The following USP29 variants were observed in gnomAD, a reference collection of about 807,000 sequenced individuals.
USP29 encodes ubiquitin specific peptidase 29, also known as ubiquitin carboxyl-terminal hydrolase 29.
For synonymous variants in USP29, 386 were observed against 387.4 expected (o/e 1.00, Z 0.04); for missense variants, 1,102 against 1,069.0 (o/e 1.03, Z -0.43).
intron 1 of USP29, 27 bp downstream of exon 1, chr19:57,120,256 A>G (rs1158957210): frequency 8.8e-6 from 1 of 113,082 alleles, no homozygotes; most frequent in Admixed American, 1.0e-4. Flanking sequence ...ACCCATCTCT[A>G]CAAAAAATTT....
intron 3 of USP29, among the ~76,000 whole-genome samples, chr19:57,127,966 G>A (rs143443591): frequency 7.2e-5 from 11 of 152,206 alleles, no homozygotes; most frequent in South Asian, 2.1e-4. Context: ...TGGGAAAAGC[G>A]TAGTAACCGG....
At chr19:57,122,785 A>C (rs1006964948) in intron 2 of USP29, among the ~76,000 whole-genome samples, 4 of 152,126 alleles carry the variant, frequency 2.6e-5, no homozygotes, top group African/African-American at 7.2e-5. Context: ...AAAATGATGA[A>C]GCCTACCTGT....
chr19:57,128,738 GC>G lies in USP29; in HGVS notation c.64del (p.Leu22Ter). ...IWSQKTGMTK[L>X]KEALIETVQR... ...GGAGCCAGAAGACTGGGATGACTAAGCTGAAAGAAGCTCTCATTGAAACAGT... is the reference window on the plus strand; with the variant it reads ...GGAGCCAGAAGACTGGGATGACTAAGTGAAAGAAGCTCTCATTGAAACAGT... On this transcript the variant is annotated frameshift_variant, in exon 4 of 4. Transcript: ENST00000254181. LOFTEE classifies it low-confidence loss of function (END_TRUNC). 6.2e-7 allele frequency: 1 copy of G among 1,611,934 alleles called. No homozygotes were observed. The highest frequency in any genetic ancestry group is 8.5e-7 in the Non-Finnish European group (1 of 1,179,470).
chr19:57,125,703 T>C (rs2086820339), intron 3 of USP29, among the ~76,000 whole-genome samples: 1 of 151,762 alleles, frequency 6.6e-6, no homozygotes, highest in Non-Finnish European at 1.5e-5. Flanking sequence ...TCAATGGGTC[T>C]TGACTCTTTA....
At chr19:57,126,983 T>C (rs1010371052) in intron 3 of USP29, among the ~76,000 whole-genome samples, 3 of 152,234 alleles carry the variant, frequency 2.0e-5, no homozygotes, top group Non-Finnish European at 4.4e-5. Context: ...TGTTGCTTTC[T>C]GTTAGTTTTT....
chr19:57,125,933 C>T lies in USP29; in HGVS notation c.-17+1794C>T, dbSNP rs561060751. 2.3e-3 allele frequency among the ~76,000 whole-genome samples: 348 copies of T among 152,190 alleles called. 2 individuals carry two copies. The highest frequency in any genetic ancestry group is 8.1e-3 in the African/African-American group (336 of 41,526). On this transcript the variant is annotated intron_variant, in intron 3 of 3. Transcript: ENST00000254181. ...TCCTTTCCATATTTAGTGCTTCCTC[C>T]AGGAGCTCTTGTAAGGTAGGCCTGG... is the stretch of plus-strand genomic sequence containing the variant.
At position 57,131,031 on chromosome 19, in the gene USP29, G is replaced by A; in HGVS notation, c.2356G>A (p.Ala786Thr). ...LQKADLNHLG[A>T]LGSDNPGNKN... ...AAAGGCTGACCTGAATCACCTTGGG[G>A]CACTGGGTTCTGACAACCCAGGAAA... Residue 786 changes from alanine (A) to threonine (T), a missense_variant, in exon 4 of 4, where the codon GCA becomes ACA. By Grantham distance (58) the Ala-to-Thr change is moderately conservative. Transcript: ENST00000254181. 1 of 1,614,128 alleles carries A rather than the reference G, an allele frequency of 6.2e-7. No homozygotes were observed. The highest frequency in any genetic ancestry group is 8.5e-7 in the Non-Finnish European group (1 of 1,180,022).
chr19:57,124,496 TTTTTTG>T, intron 3 of USP29, among the ~76,000 whole-genome samples: 1 of 151,172 alleles, frequency 6.6e-6, no homozygotes, highest in African/African-American at 2.4e-5. Flanking sequence ...TTTTTGTTTT[TTTTTTG>T]TTTTTGTTTT....
In USP29 at chr19:57,129,440, A is replaced by G. The variant is rs563032589; in HGVS notation, c.765A>G (p.Thr255=). 6.2e-7 allele frequency: 1 copy of G among 1,614,222 alleles called. No individual in the cohort carries two copies. Among genetic ancestry groups the G allele is most frequent in the African/African-American group, 1.3e-5 (1 of 75,058 alleles). Residue 255 remains threonine (T), a synonymous_variant, in exon 4 of 4, where the codon ACA becomes ACG. Coordinates refer to ENST00000254181, the MANE Select transcript of USP29 (RefSeq NM_020903.3). ...TQTLNAKNGL[T]SPLEPEHSQG... ...CTCTCAATGCCAAAAATGGTTTGAC[A>G]TCTCCATTGGAACCAGAGCACAGCC...
rs373320793 is a variant in USP29 at position 57,130,827 on chromosome 19, T to C, written c.2152T>C (p.Cys718Arg). 191 of 1,614,042 alleles carry C rather than the reference T, an allele frequency of 1.2e-4. No homozygotes were observed. The highest frequency in any genetic ancestry group is 1.5e-4 in the Non-Finnish European group (176 of 1,180,050). ...TGAGTCCACCAATGGCTTTTATGACTGTAAAGAAAACAGGATTCCAGAAGG... is the reference window on the plus strand; with the variant it reads ...TGAGTCCACCAATGGCTTTTATGACCGTAAAGAAAACAGGATTCCAGAAGG... The part of the protein sequence containing the change: ...VTESTNGFYD[C>R]KENRIPEGSQ... The change falls in exon 4 of 4, where the codon TGT becomes CGT. Residue 718 changes from cysteine to arginine, a missense_variant. Coordinates refer to ENST00000254181, the MANE Select transcript of USP29 (RefSeq NM_020903.3).
At chr19:57,119,939 G>A (rs368410909), upstream of USP29, 1 of 152,414 alleles carries the variant, frequency 6.6e-6, no homozygotes, top group South Asian at 2.1e-4. Flanking sequence ...CGTAGGTCGG[G>A]AGGCCTGCGC....
chr19:57,121,758 C>T (rs35825687), intron 1 of USP29, among the ~76,000 whole-genome samples: 8,171 of 147,896 alleles, frequency 0.055, 691 homozygotes, highest in East Asian at 0.42. Flanking sequence ...ACAAAAAGCA[C>T]GGTTACTACA....
chr19:57,119,569 C>T (rs545040459), upstream of USP29, among the ~76,000 whole-genome samples: 8 of 152,156 alleles, frequency 5.3e-5, no homozygotes, highest in African/African-American at 1.9e-4. Flanking sequence ...ATTACAGGCG[C>T]CCACCACCAT....
intron 3 of USP29, among the ~76,000 whole-genome samples, chr19:57,128,351 C>T (rs182966669): frequency 3.2e-4 from 49 of 152,270 alleles, no homozygotes; most frequent in African/African-American, 1.1e-3. Flanking sequence ...AGATTACAGG[C>T]GTGAGCCACC....
chr19:57,127,867 A>C lies in USP29; in HGVS notation c.-16-793A>C, dbSNP rs558476908. 3.3e-5 allele frequency among the ~76,000 whole-genome samples: 5 copies of C among 152,256 alleles called. No homozygotes were observed. The South Asian group carries it at 1.0e-3, about 32-fold the overall frequency. ...TTGCAACTAGCTCGGTGTCTCCCCG[A>C]ACAGCTGGCTAGTTTTGTGCTTGAA... On this transcript the variant is annotated intron_variant, in intron 3 of 3. Coordinates refer to ENST00000254181, the MANE Select transcript of USP29 (RefSeq NM_020903.3).
chr19:57,131,723 C>A lies in USP29; in HGVS notation c.*279C>A. On this transcript the variant is annotated 3_prime_UTR_variant, in exon 4 of 4. Coordinates refer to ENST00000254181, the MANE Select transcript of USP29 (RefSeq NM_020903.3). Reference sequence around the variant, plus strand: ...GTTGTTCTTCAACCAGCAACAGCAACAGCTAGGGACTGATTAGAAATGCAA... The same window carrying A: ...GTTGTTCTTCAACCAGCAACAGCAAAAGCTAGGGACTGATTAGAAATGCAA... 2.4e-6 allele frequency: 1 copy of A among 410,444 alleles called. No homozygotes were observed. Among genetic ancestry groups the A allele is most frequent in the Non-Finnish European group, 4.4e-6 (1 of 226,054 alleles). 25.4% of individuals were successfully genotyped at this position (410,444 alleles called of 1,614,324 possible).
chr19:57,120,589 C>T (rs2086789362), intron 1 of USP29, among the ~76,000 whole-genome samples: 4 of 150,288 alleles, frequency 2.7e-5, no homozygotes, highest in Admixed American at 2.6e-4. Flanking sequence ...GAGTTTGAGA[C>T]CAGCCTGACC....
At chr19:57,121,447 TATGTTATATATACTTATAC>T (rs2086795864) in intron 1 of USP29, among the ~76,000 whole-genome samples, 4 of 145,698 alleles carry the variant, frequency 2.7e-5, no homozygotes, top group South Asian at 4.2e-4. Context: ...TATACTTATA[TATGTTATATATACTTATAC>T]ATGTTATACA....
rs762836634 is a variant in USP29, at chr19:57,129,151, A to T, written c.476A>T (p.Lys159Met). ...FMSKSPTHVK[K>M]GILENQGGKG... ...TCAAAATCACCAACACATGTGAAAA[A>T]GGGGATATTAGAAAATCAAGGTGGG... Residue 159 changes from lysine to methionine, a missense_variant, in exon 4 of 4, where the codon AAG becomes ATG. Physicochemically the swap from Lys to Met is moderately conservative, Grantham distance 95. Transcript: ENST00000254181. 6.2e-7 allele frequency: 1 copy of T among 1,613,414 alleles called. No individual in the cohort carries two copies. Among genetic ancestry groups the T allele is most frequent in the African/African-American group, 1.3e-5 (1 of 74,924 alleles).
Sources: allele counts gnomAD v4.1 joint callset (sites outside exome capture counted in the v4.1 genomes callset), GRCh38; gene constraint gnomAD v4.1.1; transcripts MANE v1.5; gene names NCBI Gene and HGNC (gene_info 2026-07-23, HGNC 2026-07-21).